RERE: variants seen among roughly 807,000 people sequenced by gnomAD.
RERE encodes arginine-glutamic acid dipeptide repeats protein.
Under a neutral mutation model 146.1 loss-of-function variants are expected in RERE, and 40 were observed. The observed-to-expected ratio is 0.27, with a 90% CI of 0.21 to 0.36. The LOEUF (loss-of-function observed/expected upper bound fraction) is 0.36, where lower values mean the gene tolerates loss of function less well. Ranked by LOEUF, RERE falls within the 10% of genes least tolerant of loss-of-function variation. The pLI is 1.00. For synonymous variants in RERE, 1,003 were observed against 866.0 expected, an observed-to-expected ratio of 1.16 and a Z score of -2.78; for missense variants, 1,933 against 2,138.7, an observed-to-expected ratio of 0.90 and a Z score of 1.90.
At chr1:8,532,895 CT>C (rs952009140) in intron 7 of RERE, among the ~76,000 whole-genome samples, 53 of 150,794 alleles carry the variant, frequency 3.5e-4, no homozygotes, top group African/African-American at 1.2e-3. Flanking sequence ...GCCCCTGGCC[CT>C]TTTTTTTTGT....
intron 4 of RERE, among the ~76,000 whole-genome samples, chr1:8,576,968 G>A (rs1044260142): frequency 1.3e-5 from 2 of 152,194 alleles, no homozygotes; most frequent in Non-Finnish European, 2.9e-5. Context: ...AGGAGATGGA[G>A]ACCATCCTGG....
intron 1 of RERE, among the ~76,000 whole-genome samples, chr1:8,728,432 T>C (rs1458241167): frequency 6.6e-6 from 1 of 151,938 alleles, no homozygotes; most frequent in East Asian, 1.9e-4. Flanking sequence ...TATTTTCTTG[T>C]TTGTTTCAAT....
intron 10 of RERE, among the ~76,000 whole-genome samples, chr1:8,485,845 C>T (rs1290659885): frequency 7.1e-6 from 1 of 141,684 alleles, no homozygotes; most frequent in East Asian, 2.1e-4. Context: ...TATTGGCAGG[C>T]TGGAGTGCAG....
rs1444424412 is a variant in RERE at position 8,352,851 on chromosome 1, G to A, written c.*2236C>T. ...CTTGGGATATGGGGAGAAAAGCAAA[G>A]CTAACAAGAATGCCTTCGGACGGCT... On this transcript the variant is annotated 3_prime_UTR_variant, in exon 23 of 23. Transcript: ENST00000400908. 1.3e-5 allele frequency: 2 copies of A among 152,574 alleles called. No homozygotes were observed. The highest frequency in any genetic ancestry group is 4.8e-5 in the African/African-American group (2 of 41,452). 9.5% of individuals were successfully genotyped at this position (152,574 alleles called of 1,614,324 possible). A position where few individuals can be genotyped will look rare whatever the true frequency, so the allele number is the denominator to read the frequency against.
At chr1:8,388,276 A>G (rs1444185703) in intron 12 of RERE, among the ~76,000 whole-genome samples, 2 of 152,130 alleles carry the variant, frequency 1.3e-5, no homozygotes, top group African/African-American at 2.4e-5. Flanking sequence ...TTGCGTGGAA[A>G]GGACAGGGGA....
chr1:8,416,586 C>CAAAAA (rs5772324), intron 12 of RERE, among the ~76,000 whole-genome samples: 4 of 105,890 alleles, frequency 3.8e-5, no homozygotes, highest in Non-Finnish European at 5.6e-5. Context: ...ACTCCATCTC[C>CAAAAA]AAAAAAAAAA....
At position 8,744,321 on chromosome 1, in the gene RERE, G is replaced by A. The variant is rs140859315; in HGVS notation, c.-145+72839C>T. 5.6e-3 allele frequency among the ~76,000 whole-genome samples: 854 copies of A among 152,316 alleles called. 9 individuals are homozygous for A. The highest frequency in any genetic ancestry group is 0.02 in the African/African-American group (819 of 41,554). On this transcript the variant is annotated intron_variant, in intron 1 of 22. Coordinates refer to ENST00000400908, the MANE Select transcript of RERE (RefSeq NM_001042681.2). Reference sequence around the variant, plus strand: ...GATGTAGAAAATGTAAACTGCTTAAGTTCCATATGTGGGTAGTAACGATTT... The same window carrying A: ...GATGTAGAAAATGTAAACTGCTTAAATTCCATATGTGGGTAGTAACGATTT...
chr1:8,526,053 T>C, intron 7 of RERE: 1 of 1,205,976 alleles, frequency 8.3e-7, no homozygotes, highest in Non-Finnish European at 1.0e-6. Context: ...ACCCTGCTGT[T>C]TCCGTAAATA....
In RERE at chr1:8,656,082, C is replaced by T. The variant is rs145173617; in HGVS notation, c.216G>A (p.Thr72=). ...TCGGTGGTTTCTTCTTATTCTTCTTCGTGGACTCCTCTGCGGTGGCACTAT... is the reference window on the plus strand; with the variant it reads ...TCGGTGGTTTCTTCTTATTCTTCTTTGTGGACTCCTCTGCGGTGGCACTAT... The part of the protein sequence containing the change: ...DNNSATAEES[T]KKNKKKPPKK... Residue 72 remains threonine, a synonymous_variant, in exon 2 of 23, where the codon ACG becomes ACA. Transcript: ENST00000400908. The T allele has an allele frequency of 5.1e-4, 820 of 1,614,004 alleles. 1 individual carries two copies. Among genetic ancestry groups the T allele is most frequent in the South Asian group, 1.2e-3 (109 of 91,054 alleles).
rs1557553356 is a variant in RERE at position 8,805,007 on chromosome 1, G to GTT, written c.-145+12152_-145+12153insAA. On this transcript the variant is annotated intron_variant, in intron 1 of 22. Coordinates refer to ENST00000400908, the MANE Select transcript of RERE (RefSeq NM_001042681.2). ...ATTTTTTTTGTTTTGTTTTGTTTTT[G>GTT]GTTTTTTTTTTTTTTTTTTTTGAGA... 1.6e-3 allele frequency among the ~76,000 whole-genome samples: 97 copies of GTT among 61,318 alleles called. 2 individuals carry two copies. The highest frequency in any genetic ancestry group is 1.8e-3 in the Non-Finnish European group (57 of 31,860). 40.2% of individuals were successfully genotyped at this position (61,318 alleles called of 152,430 possible).
intron 6 of RERE, among the ~76,000 whole-genome samples, chr1:8,555,724 C>A (rs974288191): frequency 2.0e-5 from 3 of 152,148 alleles, no homozygotes; most frequent in Non-Finnish European, 2.9e-5. Flanking sequence ...CATACACACA[C>A]AAAATGAGCC....
Position 8,356,201 on chromosome 1 carries a change from C to T in RERE, c.4385G>A (p.Gly1462Asp), listed in dbSNP as rs898099028. 1 of 1,522,442 alleles carries T rather than the reference C, an allele frequency of 6.6e-7. No homozygotes were observed. The highest frequency in any genetic ancestry group is 1.3e-5 in the South Asian group (1 of 77,252). 94.3% of individuals were successfully genotyped at this position (1,522,442 alleles called of 1,614,324 possible). A position where few individuals can be genotyped will look rare whatever the true frequency, so the allele number is the denominator to read the frequency against. ...VHPLVDPLTA[G>D]PHLARFPYPP... is the part of the protein sequence containing the mutation. Reference sequence around the variant, plus strand: ...GTAGGGGAAGCGAGCCAGGTGGGGACCGGCAGTCAGGGGGTCGACCAGCGG... The same window carrying T: ...GTAGGGGAAGCGAGCCAGGTGGGGATCGGCAGTCAGGGGGTCGACCAGCGG... Residue 1462 changes from glycine to aspartate, a missense_variant, in exon 21 of 23, where the codon GGT becomes GAT. Physicochemically the swap from Gly to Asp is moderately conservative, Grantham distance 94. This residue lies in a region of RERE where 133 missense variants were observed against 168.6 expected (regional missense o/e 0.79). Transcript: ENST00000400908. The surrounding 1 kb of genome is among the most constrained non-coding windows in gnomAD (Gnocchi z 5.2).
Position 8,502,959 on chromosome 1 carries a change from G to A in RERE, c.880-5430C>T, listed in dbSNP as rs915121331. On this transcript the variant is annotated intron_variant, in intron 8 of 22. Coordinates refer to ENST00000400908, the MANE Select transcript of RERE (RefSeq NM_001042681.2). ...AGGGACACAAACACTTCGGAAGGCC[G>A]CAGGGTCCTCTGCCTAGGAAAACCA... is the stretch of plus-strand genomic sequence containing the variant. Among the ~76,000 whole-genome samples, 277 of 150,950 alleles carry A rather than the reference G, an allele frequency of 1.8e-3. 2 individuals are homozygous for A. The highest frequency in any genetic ancestry group is 6.2e-3 in the African/African-American group (256 of 41,064).
intron 11 of RERE, among the ~76,000 whole-genome samples, chr1:8,433,846 C>T (rs566823893): frequency 1.8e-4 from 27 of 152,310 alleles, no homozygotes; most frequent in African/African-American, 6.0e-4. Context: ...AGGCGTGAGC[C>T]ACCGCGCCCG....
chr1:8,361,557 G>A (rs1641583473), intron 17 of RERE, 67 bp from the exon 18 acceptor site: 25 of 1,565,340 alleles, frequency 1.6e-5, no homozygotes, highest in Non-Finnish European at 2.0e-5. Flanking sequence ...TGCACCACCA[G>A]TGCCGGACAC....
chr1:8,371,570 C>T (rs189696432), intron 12 of RERE, among the ~76,000 whole-genome samples: 1 of 152,290 alleles, frequency 6.6e-6, no homozygotes, highest in African/African-American at 2.4e-5. Flanking sequence ...CAGCGGCAGC[C>T]GCTCCTGCCA....
At chr1:8,523,246 T>C (rs1038400725) in intron 7 of RERE, among the ~76,000 whole-genome samples, 4 of 152,124 alleles carry the variant, frequency 2.6e-5, no homozygotes, top group African/African-American at 9.7e-5. Flanking sequence ...ATCAAGTTCA[T>C]TCTAGCTTTC....
At chr1:8,774,044 C>G (rs1405354847) in intron 1 of RERE, among the ~76,000 whole-genome samples, 2 of 152,130 alleles carry the variant, frequency 1.3e-5, no homozygotes, top group Non-Finnish European at 2.9e-5. Flanking sequence ...GTGATGGCAA[C>G]AAAAATGTAC....
intron 2 of RERE, among the ~76,000 whole-genome samples, chr1:8,650,427 T>C (rs1048344482): frequency 6.6e-6 from 1 of 152,116 alleles, no homozygotes; most frequent in Non-Finnish European, 1.5e-5. Flanking sequence ...ATTTGAAAAA[T>C]CTTAATTTGT....
Sources: allele counts gnomAD v4.1 joint callset (sites outside exome capture counted in the v4.1 genomes callset), GRCh38; gene constraint gnomAD v4.1.1; regional missense constraint gnomAD v4.1.1; non-coding constraint Gnocchi (gnomAD v3.1); transcripts MANE v1.5; gene names NCBI Gene and HGNC (gene_info 2026-07-23, HGNC 2026-07-21).